Variants in CELF2 observed in about 807,000 individuals in gnomAD.
CELF2 encodes the protein CUG triplet repeat RNA-binding protein 2.
In CELF2, 8 loss-of-function variants were observed where a neutral mutation model predicts 62.6. The ratio of observed to expected loss-of-function variants is 0.13; its 90% CI spans 0.07 to 0.23. The LOEUF (loss-of-function observed/expected upper bound fraction) is 0.23, where lower values mean the gene tolerates loss of function less well. Ranked by LOEUF, CELF2 falls within the 10% of genes least tolerant of loss-of-function variation. The probability of loss-of-function intolerance (pLI) is 1.00; values close to 1 mark genes in which losing one functional copy is unlikely to be tolerated. For missense variants in CELF2, 333 were observed against 671.0 expected, an observed-to-expected ratio of 0.50 and a Z score of 5.56; for synonymous variants, 258 against 250.0, an observed-to-expected ratio of 1.03 and a Z score of -0.30.
chr10:11,293,140 G>A (rs912320346), intron 9 of CELF2, among the ~76,000 whole-genome samples: 2 of 152,110 alleles, frequency 1.3e-5, no homozygotes, highest in Non-Finnish European at 2.9e-5. Flanking sequence ...GCCCAGCCAC[G>A]CCGTCGGCCT....
intron 1 of CELF2, among the ~76,000 whole-genome samples, chr10:10,901,792 T>C (rs547354192): frequency 2.6e-5 from 4 of 152,184 alleles, no homozygotes; most frequent in Admixed American, 2.6e-4. Context: ...ACATATTAGG[T>C]TTGTGCAAAA....
chr10:10,687,564 A>G, the CELF2 span, among the ~76,000 whole-genome samples: 1 of 152,296 alleles, frequency 6.6e-6, no homozygotes, highest in East Asian at 1.9e-4. Context: ...AACATCAGAG[A>G]GTCATTGGCT....
At chr10:11,007,931 G>A (rs191845) in intron 1 of CELF2, among the ~76,000 whole-genome samples, 1 of 152,116 alleles carries the variant, frequency 6.6e-6, no homozygotes, top group Non-Finnish European at 1.5e-5. Flanking sequence ...GTACGGAAAC[G>A]AGGTAACTCT....
At chr10:10,773,404 G>C in the CELF2 span, among the ~76,000 whole-genome samples, 2 of 152,162 alleles carry the variant, frequency 1.3e-5, no homozygotes, top group Admixed American at 6.5e-5. Flanking sequence ...TGTGATTAAG[G>C]CTCCGACATT....
the CELF2 span, among the ~76,000 whole-genome samples, chr10:10,689,405 C>T: frequency 6.6e-6 from 1 of 152,116 alleles, no homozygotes; most frequent in Admixed American, 6.6e-5. Context: ...CCAGGTCCCT[C>T]CCCCAACACT....
At chr10:10,499,947 AT>A in the CELF2 span, among the ~76,000 whole-genome samples, 1 of 106,000 alleles carries the variant, frequency 9.4e-6, no homozygotes, top group Non-Finnish European at 2.8e-5. Context: ...ACCTAGGACA[AT>A]AGAGAGACAT....
chr10:10,716,929 G>A, the CELF2 span, among the ~76,000 whole-genome samples: 1 of 152,114 alleles, frequency 6.6e-6, no homozygotes, highest in Non-Finnish European at 1.5e-5. Flanking sequence ...CCAGTGAAAT[G>A]CTCGTGTAAT....
intron 2 of CELF2, among the ~76,000 whole-genome samples, chr10:10,969,134 G>A (rs891050980): frequency 6.6e-6 from 1 of 152,204 alleles, no homozygotes; most frequent in Non-Finnish European, 1.5e-5. Flanking sequence ...ACATGTGCCT[G>A]TAGTCCCAGC....
the CELF2 span, among the ~76,000 whole-genome samples, chr10:10,535,036 A>G: frequency 1.3e-5 from 2 of 152,252 alleles, no homozygotes; most frequent in African/African-American, 4.8e-5. Context: ...TAGTATATGT[A>G]TGGAGGGATC....
At chr10:10,736,397 T>TTTCTTTCTTTCTTTTC in the CELF2 span, among the ~76,000 whole-genome samples, 5 of 55,274 alleles carry the variant, frequency 9.0e-5, no homozygotes, top group African/African-American at 6.3e-4. Context: ...TCTTTCTTTC[T>TTTCTTTCTTTCTTTTC]TTTTTTTTTT....
chr10:10,676,384 T>C, the CELF2 span, among the ~76,000 whole-genome samples: 1 of 152,186 alleles, frequency 6.6e-6, no homozygotes, highest in African/African-American at 2.4e-5. Flanking sequence ...CTCTAGCACA[T>C]TAGACCGTGG....
chr10:10,973,075 C>T lies in CELF2; in HGVS notation c.89+53076C>T, dbSNP rs559725550. Among the ~76,000 whole-genome samples, 171 of 152,066 alleles carry T rather than the reference C, an allele frequency of 1.1e-3. 2 individuals are homozygous for T. Among genetic ancestry groups the T allele is most frequent in the Non-Finnish European group, 3.5e-4 (24 of 67,974 alleles). ...GAGGCCGAGGCGGGTGGGTCACTCA[C>T]GGTCAGGAGTTCGAGACCAGCCTGG... On this transcript the variant is annotated intron_variant, in intron 2 of 13. Transcript: ENST00000636488.
the CELF2 span, among the ~76,000 whole-genome samples, chr10:10,546,928 G>A: frequency 2.6e-5 from 4 of 152,032 alleles, no homozygotes; most frequent in South Asian, 6.2e-4. Context: ...GCAACATGGC[G>A]AAACCCCATC....
intron 2 of CELF2, among the ~76,000 whole-genome samples, chr10:10,929,406 C>A (rs1037387524): frequency 1.3e-5 from 2 of 152,208 alleles, no homozygotes; most frequent in African/African-American, 4.8e-5. Context: ...ACACAGCAAT[C>A]AATAGGTGGT....
chr10:10,555,271 G>A, the CELF2 span, among the ~76,000 whole-genome samples: 1 of 141,020 alleles, frequency 7.1e-6, no homozygotes, highest in Non-Finnish European at 1.5e-5. Flanking sequence ...AACCTGGGAG[G>A]CCAGAAAGTC....
At chr10:10,696,545 C>A in the CELF2 span, among the ~76,000 whole-genome samples, 5 of 151,744 alleles carry the variant, frequency 3.3e-5, no homozygotes, top group South Asian at 2.1e-4. Context: ...TTCGAGCTTC[C>A]CTGCTGCTTT....
intron 1 of CELF2, among the ~76,000 whole-genome samples, chr10:11,067,791 T>C (rs1183552289): frequency 6.6e-6 from 1 of 152,234 alleles, no homozygotes; most frequent in African/African-American, 2.4e-5. Flanking sequence ...TCTCTTTTCC[T>C]ATTTATTGGT....
At chr10:11,187,913 T>C (rs1394735326) in intron 2 of CELF2, among the ~76,000 whole-genome samples, 1 of 152,230 alleles carries the variant, frequency 6.6e-6, no homozygotes, top group African/African-American at 2.4e-5. Flanking sequence ...CTGTTTATGC[T>C]CGTAGTTAAT....
the CELF2 span, among the ~76,000 whole-genome samples, chr10:10,793,240 G>A: frequency 6.6e-6 from 1 of 152,046 alleles, no homozygotes; most frequent in Non-Finnish European, 1.5e-5. Flanking sequence ...ATTGTACCAG[G>A]TTTTGTGAGC....
Sources: gnomAD v4.1 joint callset for allele counts (sites outside exome capture counted in the v4.1 genomes callset) on GRCh38, gnomAD v4.1.1 for gene constraint, MANE v1.5 for transcripts, NCBI Gene and HGNC (gene_info 2026-07-23, HGNC 2026-07-21) for gene names.